The following MED30 variants were observed in gnomAD, a reference collection of about 807,000 sequenced individuals.
MED30 encodes mediator of RNA polymerase II transcription subunit 30.
A neutral mutation model predicts 21.7 loss-of-function variants in MED30; 8 were observed. The observed-to-expected ratio is 0.37, with a 90% CI of 0.22 to 0.67. The LOEUF is 0.67. Ranked by LOEUF, MED30 falls within the 30% of genes least tolerant of loss-of-function variation. The pLI, the probability that MED30 is intolerant of heterozygous loss-of-function variation, is 0.58. For synonymous variants in MED30, 79 were observed against 86.7 expected (o/e 0.91, Z 0.49); for missense variants, 203 against 228.2 (o/e 0.89, Z 0.71).
At chr8:117,536,820 A>G (rs537009758) in intron 3 of MED30, among the ~76,000 whole-genome samples, 45 of 152,346 alleles carry the variant, frequency 3.0e-4, no homozygotes, top group East Asian at 1.9e-4. Context: ...GGGGTGTCCA[A>G]TCTTTTGGCT....
chr8:117,523,326 C>T, intron 1 of MED30: 1 of 1,444,892 alleles, frequency 6.9e-7, no homozygotes. Flanking sequence ...CGGTTGTTGA[C>T]CCAGCCCCAG....
chr8:117,530,663 C>A, intron 2 of MED30, 60 bp from the exon 3 acceptor site: 2 of 1,198,576 alleles, frequency 1.7e-6, no homozygotes, highest in Non-Finnish European at 2.4e-6. Flanking sequence ...ATTCTCTATA[C>A]AAGTGATTAG....
rs115839454 is a variant in MED30 at position 117,528,548 on chromosome 8, A to G, written c.178-103A>G. The G allele has an allele frequency of 2.6e-3, 2,403 of 917,318 alleles. 45 individuals are homozygous for G. In the African/African-American group the frequency reaches 0.037, roughly 14 times the overall value. 56.8% of individuals were successfully genotyped at this position (917,318 alleles called of 1,614,324 possible). ...CAGTTGTGAGGGACAGCTTATGTCT[A>G]TGCATTGCCTAAAAATTGTTTCTGT... On this transcript the variant is annotated intron_variant, in intron 1 of 3. Coordinates refer to ENST00000297347, the MANE Select transcript of MED30 (RefSeq NM_080651.4).
In MED30 at chr8:117,520,865, T is replaced by G. The variant is rs1274251641; in HGVS notation, c.-12T>G. The G allele has an allele frequency of 2.5e-6, 4 of 1,578,182 alleles. No individual in the cohort carries two copies. The highest frequency in any genetic ancestry group is 2.6e-6 in the Non-Finnish European group (3 of 1,162,990). On this transcript the variant is annotated 5_prime_UTR_variant, in exon 1 of 4. Transcript: ENST00000297347. ...TGTCTGGCCCCTTCCGGCCTGAAGCTGCAGCCGCGCCATGTCCACCCCTCC... is the reference window on the plus strand; with the variant it reads ...TGTCTGGCCCCTTCCGGCCTGAAGCGGCAGCCGCGCCATGTCCACCCCTCC...
intron 2 of MED30, among the ~76,000 whole-genome samples, chr8:117,529,707 G>A (rs1818768193): frequency 6.6e-6 from 1 of 151,912 alleles, no homozygotes; most frequent in Non-Finnish European, 1.5e-5. Flanking sequence ...GGAATCGAAG[G>A]TTTGCAGGAG....
chr8:117,523,375 C>A (rs1418868171), intron 1 of MED30: 1 of 1,544,498 alleles, frequency 6.5e-7, no homozygotes, highest in East Asian at 2.2e-5. Flanking sequence ...CACAGCACTC[C>A]GTCTGTAGGT....
intron 1 of MED30, among the ~76,000 whole-genome samples, 156 bp from the exon 2 acceptor site, chr8:117,528,495 C>T (rs1369738723): frequency 6.6e-6 from 1 of 151,904 alleles, no homozygotes; most frequent in Non-Finnish European, 1.5e-5. Context: ...GCATGCATTG[C>T]TCTTAAATTC....
intron 1 of MED30, among the ~76,000 whole-genome samples, chr8:117,521,705 CT>C (rs138146295): frequency 2.0e-4 from 30 of 147,450 alleles, no homozygotes; most frequent in Admixed American, 7.5e-4. Context: ...AGTATGTGGG[CT>C]TTTTTTTTTG....
Position 117,520,910 on chromosome 8 carries a change from G to A in MED30, c.34G>A (p.Ala12Thr). The A allele has an allele frequency of 6.2e-7, 1 of 1,608,188 alleles. No individual in the cohort carries two copies. The highest frequency in any genetic ancestry group is 8.5e-7 in the Non-Finnish European group (1 of 1,177,720). The change falls in exon 1 of 4, where the codon GCG (alanine) becomes ACG (threonine). Residue 12 changes from alanine (A) to threonine (T), a missense_variant. Transcript: ENST00000297347. The part of the protein sequence containing the change: ...STPPLAASGM[A>T]PGPFAGPQAQ... ...CCCTCCGTTGGCCGCGTCGGGGATG[G>A]CGCCCGGGCCCTTCGCCGGGCCCCA... is the stretch of plus-strand genomic sequence containing the variant.
Position 117,538,520 on chromosome 8 carries a change from A to G in MED30, c.442-1363A>G, listed in dbSNP as rs1818919824. ...TAATGAAATCAAAAGTAAGATTGTT[A>G]GGCCTCTTTTTAATAAGCATACACC... On this transcript the variant is annotated intron_variant, in intron 3 of 3. Transcript: ENST00000297347. Among the ~76,000 whole-genome samples the G allele has an allele frequency of 2.0e-5, 3 of 152,292 alleles. No homozygotes were observed. In the South Asian group the frequency reaches 6.2e-4, roughly 32 times the overall value.
At position 117,520,725 on chromosome 8, in the gene MED30, A is replaced by G. The variant is rs6469696; in HGVS notation, c.-152A>G. On this transcript the variant is annotated 5_prime_UTR_variant, in exon 1 of 4. Transcript: ENST00000297347. ...GACGTTTTCTGACGTGTTACGTCACAGTGGGCGGAAGTCGCGGCCGCTGTT... is the reference window on the plus strand; with the variant it reads ...GACGTTTTCTGACGTGTTACGTCACGGTGGGCGGAAGTCGCGGCCGCTGTT... 383,668 of 701,248 alleles carry G rather than the reference A, an allele frequency of 0.55. 107,402 individuals are homozygous for G. Among genetic ancestry groups the G allele is most frequent in the Middle Eastern group, 0.61 (1,508 of 2,454 alleles). 43.4% of individuals were successfully genotyped at this position (701,248 alleles called of 1,614,324 possible).
At chr8:117,535,528 G>A (rs1458699037) in intron 3 of MED30, among the ~76,000 whole-genome samples, 1 of 151,448 alleles carries the variant, frequency 6.6e-6, no homozygotes, top group Non-Finnish European at 1.5e-5. Flanking sequence ...GCACCCAGCC[G>A]ATACATCTTT....
chr8:117,526,078 T>A (rs1818715266), intron 1 of MED30, among the ~76,000 whole-genome samples: 1 of 151,870 alleles, frequency 6.6e-6, no homozygotes, highest in East Asian at 1.9e-4. Context: ...ATTTTAAAAG[T>A]TTTTTTCTAG....
chr8:117,521,788 G>A (rs560948415), intron 1 of MED30, among the ~76,000 whole-genome samples: 1 of 151,868 alleles, frequency 6.6e-6, no homozygotes, highest in Admixed American at 6.6e-5. Flanking sequence ...TTGTATCCAT[G>A]TATCACCATT....
chr8:117,536,647 G>C (rs1818883082), intron 3 of MED30, among the ~76,000 whole-genome samples: 1 of 152,214 alleles, frequency 6.6e-6, no homozygotes, highest in South Asian at 2.1e-4. Context: ...TTTGTAGTCA[G>C]TATTTGATGT....
chr8:117,539,922 G>A lies in MED30; in HGVS notation c.481G>A (p.Asp161Asn). Residue 161 changes from aspartate (D) to asparagine (N), a missense_variant, in exon 4 of 4, where the codon GAT (aspartate) becomes AAT (asparagine). Physicochemically the swap from Asp to Asn is conservative, Grantham distance 23 (BLOSUM62 1). Coordinates refer to ENST00000297347, the MANE Select transcript of MED30 (RefSeq NM_080651.4). ...QKNQQLKQIM[D>N]QLRNLIWDIN... ...GAATCAACAGCTGAAACAAATTATG[G>A]ATCAATTACGAAATCTCATCTGGGA... 1 of 1,608,794 alleles carries A rather than the reference G, an allele frequency of 6.2e-7. No individual in the cohort carries two copies. The highest frequency in any genetic ancestry group is 8.5e-7 in the Non-Finnish European group (1 of 1,177,716).
intron 2 of MED30, chr8:117,530,425 A>T: frequency 5.8e-6 from 1 of 172,020 alleles, no homozygotes; most frequent in Middle Eastern, 2.4e-3. Flanking sequence ...TTAAATTTTT[A>T]TTTTATTTTA....
rs1818956576 is a variant in MED30, at chr8:117,540,229, T to C, written c.*251T>C. ...TTCATGAATTGAATAATTGTTTTTTTAAAGCAAAATAAAGTTTTTTAAATA... is the reference window on the plus strand; with the variant it reads ...TTCATGAATTGAATAATTGTTTTTTCAAAGCAAAATAAAGTTTTTTAAATA... On this transcript the variant is annotated 3_prime_UTR_variant, in exon 4 of 4. Transcript: ENST00000297347. 1.3e-5 allele frequency: 3 copies of C among 226,336 alleles called. No homozygotes were observed. The highest frequency in any genetic ancestry group is 5.8e-5 in the Admixed American group (1 of 17,242). The allele number at this position is 226,336 out of a possible 1,614,324, so 14.0% of individuals were successfully genotyped here. A position where few individuals can be genotyped will look rare whatever the true frequency, so the allele number is the denominator to read the frequency against.
rs777106323 is a variant in MED30, at chr8:117,520,745, G to C, written c.-132G>C. 4.5e-6 allele frequency: 4 copies of C among 880,808 alleles called. No homozygotes were observed. Among genetic ancestry groups the C allele is most frequent in the Non-Finnish European group, 6.6e-6 (4 of 602,808 alleles). 54.6% of individuals were successfully genotyped at this position (880,808 alleles called of 1,614,324 possible). On this transcript the variant is annotated 5_prime_UTR_variant, in exon 1 of 4. Transcript: ENST00000297347. Reference sequence around the variant, plus strand: ...GTCACAGTGGGCGGAAGTCGCGGCCGCTGTTTTGAAATCGGGCCGCGGGGG... The same window carrying C: ...GTCACAGTGGGCGGAAGTCGCGGCCCCTGTTTTGAAATCGGGCCGCGGGGG...
Sources: gnomAD v4.1 joint callset for allele counts (sites outside exome capture counted in the v4.1 genomes callset) on GRCh38, gnomAD v4.1.1 for gene constraint, MANE v1.5 for transcripts, NCBI Gene and HGNC (gene_info 2026-07-23, HGNC 2026-07-21) for gene names.